Variants in NR2F1-AS1 observed in about 807,000 individuals in gnomAD.
NR2F1-AS1 encodes NR2F1 antisense RNA 1.
At chr5:93,519,791 A>G (rs1316844751) in intron 4 of NR2F1-AS1, among the ~76,000 whole-genome samples, 2 of 152,050 alleles carry the variant, frequency 1.3e-5, no homozygotes, top group Non-Finnish European at 2.9e-5. Context: ...AACTGCTACT[A>G]CACATTTTCA....
chr5:93,568,932 CT>C (rs1276931155), intron 1 of NR2F1-AS1, among the ~76,000 whole-genome samples: 2 of 152,170 alleles, frequency 1.3e-5, no homozygotes, highest in African/African-American at 2.4e-5. Context: ...CAAAACCCTT[CT>C]TTTCTAGACT....
chr5:93,501,440 G>A (rs961676387), intron 4 of NR2F1-AS1, among the ~76,000 whole-genome samples: 3 of 149,590 alleles, frequency 2.0e-5, no homozygotes, highest in Non-Finnish European at 3.0e-5. Flanking sequence ...AGCAACCTCC[G>A]TGTCCTGGGT....
At chr5:93,563,583 A>C (rs1006633727) in intron 1 of NR2F1-AS1, 6 of 152,314 alleles carry the variant, frequency 3.9e-5, no homozygotes, top group Non-Finnish European at 5.9e-5. Flanking sequence ...CACCCTAAAG[A>C]AGCTTTCCCA....
At chr5:93,439,885 TAC>T (rs1293440987) in intron 4 of NR2F1-AS1, among the ~76,000 whole-genome samples, 2 of 152,206 alleles carry the variant, frequency 1.3e-5, no homozygotes, top group Non-Finnish European at 2.9e-5. Flanking sequence ...CAGCATTTAG[TAC>T]ACAGTATTTA....
In NR2F1-AS1 at chr5:93,579,631, C is replaced by G. The variant is rs1028469555; in HGVS notation, n.313+836G>C. On this transcript the variant is annotated intron_variant and non_coding_transcript_variant, in intron 1 of 5. Coordinates refer to ENST00000660523, the Ensembl canonical transcript of NR2F1-AS1. The surrounding 1 kb of genome is among the most constrained non-coding windows in gnomAD (Gnocchi z 5.1). ...GTGCAGTCCCCAGCATCGGCTGCCC[C>G]CGCCCCCCGCGCGCCCTCTGACGCA... 1.3e-5 allele frequency among the ~76,000 whole-genome samples: 2 copies of G among 152,044 alleles called. No homozygotes were observed. The highest frequency in any genetic ancestry group is 6.5e-5 in the Admixed American group (1 of 15,288).
At chr5:93,423,730 T>C (rs972118105) in intron 4 of NR2F1-AS1, among the ~76,000 whole-genome samples, 1 of 152,198 alleles carries the variant, frequency 6.6e-6, no homozygotes, top group African/African-American at 2.4e-5. Context: ...CACTCAAACA[T>C]TTACCGTGCT....
intron 4 of NR2F1-AS1, among the ~76,000 whole-genome samples, chr5:93,427,517 C>T (rs1749219626): frequency 1.3e-5 from 2 of 152,176 alleles, no homozygotes; most frequent in African/African-American, 4.8e-5. Flanking sequence ...TCTTTCACCC[C>T]AGCTACATTG....
intron 1 of NR2F1-AS1, among the ~76,000 whole-genome samples, chr5:93,578,381 G>T (rs183183281): frequency 6.6e-6 from 1 of 152,024 alleles, no homozygotes; most frequent in Non-Finnish European, 1.5e-5. Context: ...AAGCGGAGCG[G>T]TACCTTCTCA....
chr5:93,442,096 G>A (rs935292487), intron 4 of NR2F1-AS1, among the ~76,000 whole-genome samples: 8 of 152,152 alleles, frequency 5.3e-5, no homozygotes, highest in African/African-American at 1.9e-4. Context: ...GGCCAAATAG[G>A]AACAGCTCCA....
In NR2F1-AS1 at chr5:93,504,352, A is replaced by G. The variant is rs141811076; in HGVS notation, n.638+49409T>C. On this transcript the variant is annotated intron_variant and non_coding_transcript_variant, in intron 4 of 5. Coordinates refer to ENST00000660523, the Ensembl canonical transcript of NR2F1-AS1. ...AAACATGAACATATTCAAGATATCA[A>G]AGAAATTAATTCAGCAGTCAAAAAT... Among the ~76,000 whole-genome samples the G allele has an allele frequency of 2.5e-3, 384 of 152,342 alleles. 1 individual carries two copies. Among genetic ancestry groups the G allele is most frequent in the African/African-American group, 8.2e-3 (343 of 41,576 alleles).
chr5:93,440,711 G>A (rs1194185854), intron 4 of NR2F1-AS1, among the ~76,000 whole-genome samples: 1 of 152,178 alleles, frequency 6.6e-6, no homozygotes, highest in East Asian at 1.9e-4. Context: ...TTTTTCTGAA[G>A]CACTTTAATA....
chr5:93,430,861 TATCATCATCATCATCATCATCATC>T (rs138817898), intron 4 of NR2F1-AS1, among the ~76,000 whole-genome samples: 1 of 149,522 alleles, frequency 6.7e-6, no homozygotes, highest in African/African-American at 2.5e-5. Context: ...TCCCTTGCTT[TATCATCATCATCATCATCATCATC>T]ATCATCATGG....
intron 4 of NR2F1-AS1, among the ~76,000 whole-genome samples, chr5:93,429,071 G>A (rs1160424698): frequency 6.6e-6 from 1 of 152,140 alleles, no homozygotes; most frequent in African/African-American, 2.4e-5. Context: ...TCTTAGTCAT[G>A]TGCAGTCACT....
upstream of NR2F1-AS1, among the ~76,000 whole-genome samples, chr5:93,582,420 C>A (rs1472049652): frequency 6.6e-6 from 1 of 152,020 alleles, no homozygotes; most frequent in African/African-American, 2.4e-5. Context: ...ATCATTAAAC[C>A]TTTTAAACCA....
chr5:93,541,543 G>A (rs1216555978), intron 4 of NR2F1-AS1, among the ~76,000 whole-genome samples: 1 of 152,096 alleles, frequency 6.6e-6, no homozygotes, highest in Non-Finnish European at 1.5e-5. Context: ...GTTTCTTACT[G>A]CTTGGTTGGT....
intron 4 of NR2F1-AS1, among the ~76,000 whole-genome samples, chr5:93,419,556 A>T (rs1249450044): frequency 6.6e-6 from 1 of 151,888 alleles, no homozygotes; most frequent in African/African-American, 2.4e-5. Context: ...GGCAATACAG[A>T]AAGACTCTAC....
intron 1 of NR2F1-AS1, among the ~76,000 whole-genome samples, chr5:93,565,647 G>A (rs1752601121): frequency 6.6e-6 from 1 of 151,718 alleles, no homozygotes; most frequent in Non-Finnish European, 1.5e-5. Flanking sequence ...ATACTTTCTA[G>A]TCTTTTTTTA....
At chr5:93,568,977 A>C (rs571581149) in intron 1 of NR2F1-AS1, among the ~76,000 whole-genome samples, 11 of 152,288 alleles carry the variant, frequency 7.2e-5, no homozygotes, top group South Asian at 4.1e-4. Context: ...TTGATTAAAG[A>C]TGTACCAGCT....
chr5:93,411,289 C>T (rs950630862), intron 4 of NR2F1-AS1: 3 of 152,252 alleles, frequency 2.0e-5, no homozygotes, highest in African/African-American at 4.8e-5. Flanking sequence ...TCGATCTTTT[C>T]TGATTTCTGG....
Sources: gnomAD v4.1 joint callset for allele counts (sites outside exome capture counted in the v4.1 genomes callset) on GRCh38, gnomAD v4.1.1 for gene constraint, Gnocchi (gnomAD v3.1) non-coding constraint, MANE v1.5 for transcripts, NCBI Gene and HGNC (gene_info 2026-07-23, HGNC 2026-07-21) for gene names.